Variants in COL18A1 observed in about 807,000 individuals in gnomAD.
The protein encoded by COL18A1 is collagen type XVIII alpha 1 chain.
Under a neutral mutation model 168.0 loss-of-function variants are expected in COL18A1, and 133 were observed. The ratio of observed to expected loss-of-function variants is 0.79; its 90% CI spans 0.69 to 0.91. The LOEUF is 0.91. COL18A1 is among the 40% of genes least tolerant of loss of function. The probability of loss-of-function intolerance (pLI) is 0.00; values close to 1 mark genes in which losing one functional copy is unlikely to be tolerated. For missense variants in COL18A1, 2,126 were observed against 1,925.4 expected (o/e 1.10, Z -1.95); for synonymous variants, 949 against 809.0 (o/e 1.17, Z -2.94).
rs368376035 is a variant in COL18A1 at position 45,476,356 on chromosome 21, G to A, written c.804G>A (p.Ala268=). Reference sequence around the variant, plus strand: ...CCTCCCCTCTCGTCCTCCAGGGCGCGGCCCTAAAACCCAGGCTCCCCGCGC... The same window carrying A: ...CCTCCCCTCTCGTCCTCCAGGGCGCAGCCCTAAAACCCAGGCTCCCCGCGC... ...ARELLREETG[A]ALKPRLPAPP... The change falls in exon 6 of 42, where the codon GCG becomes GCA. Residue 268 remains alanine, a synonymous_variant. Coordinates refer to ENST00000651438, the MANE Select transcript of COL18A1 (RefSeq NM_001379500.1). 8.6e-5 allele frequency: 138 copies of A among 1,613,888 alleles called. No homozygotes were observed. The African/African-American group carries it at 1.2e-3, about 14-fold the overall frequency.
intron 2 of COL18A1, chr21:45,456,412 C>T: frequency 1.3e-6 from 2 of 1,545,370 alleles, no homozygotes; most frequent in South Asian, 2.4e-5. Context: ...AGGTCGCAGT[C>T]ACCACTTTAA....
chr21:45,472,285 A>G (rs2035463143), intron 3 of COL18A1, among the ~76,000 whole-genome samples: 1 of 149,908 alleles, frequency 6.7e-6, no homozygotes, highest in East Asian at 2.0e-4. Context: ...GTGCAGTGGC[A>G]CGATTGCGGC....
intron 2 of COL18A1, among the ~76,000 whole-genome samples, chr21:45,462,236 G>A (rs1255430875): frequency 1.3e-5 from 2 of 152,288 alleles, no homozygotes; most frequent in East Asian, 1.9e-4. Flanking sequence ...GTAACTTGGT[G>A]TGAGTCTCTT....
rs935736074 is a variant in COL18A1, at chr21:45,427,633, C to T, written c.106+22160C>T. Among the ~76,000 whole-genome samples, 13 of 152,014 alleles carry T rather than the reference C, an allele frequency of 8.6e-5. 1 individual carries two copies. The South Asian group carries it at 2.1e-3, about 24-fold the overall frequency. ...AATTCTCCAGGTGGGGTGGGCAGGC[C>T]GGCGGGTGTTGAGGTCTCTGTGCAT... On this transcript the variant is annotated intron_variant, in intron 2 of 41. Coordinates refer to ENST00000651438, the MANE Select transcript of COL18A1 (RefSeq NM_001379500.1).
chr21:45,475,155 C>A (rs1286820364), intron 4 of COL18A1, among the ~76,000 whole-genome samples: 1 of 152,242 alleles, frequency 6.6e-6, no homozygotes, highest in African/African-American at 2.4e-5. Flanking sequence ...GCGGCCTCCT[C>A]CAGGGCAGGG....
intron 2 of COL18A1, among the ~76,000 whole-genome samples, chr21:45,415,025 C>G (rs1481747424): frequency 6.6e-6 from 1 of 152,100 alleles, no homozygotes; most frequent in Non-Finnish European, 1.5e-5. Flanking sequence ...TCCAGAGGAC[C>G]CCTGCGGGCA....
At chr21:45,455,529 C>T (rs756147946) in intron 2 of COL18A1, 9 of 1,612,672 alleles carry the variant, frequency 5.6e-6, no homozygotes, top group Non-Finnish European at 7.6e-6. Context: ...CGCACTGCCC[C>T]GATGGCTCCC....
chr21:45,505,914 C>T lies in COL18A1; in HGVS notation c.3164C>T (p.Ala1055Val). 5.6e-6 allele frequency: 9 copies of T among 1,613,080 alleles called. No individual in the cohort carries two copies. Among genetic ancestry groups the T allele is most frequent in the Non-Finnish European group, 6.8e-6 (8 of 1,179,970 alleles). The change falls in exon 37 of 42, where the codon GCC becomes GTC. Residue 1055 changes from alanine (A) to valine (V), a missense_variant. Coordinates refer to ENST00000651438, the MANE Select transcript of COL18A1 (RefSeq NM_001379500.1). The stretch of plus-strand genomic sequence containing the variant: ...CCCGAGGGCTGGCTCATCTTCGTGG[C>T]CGAGCAGGAGGAGCTCTACGTCCGC... ...EVPEGWLIFV[A>V]EQEELYVRVQ...
At chr21:45,489,551 GGC>G (rs1377676568) in intron 19 of COL18A1, 30 bp downstream of exon 19, 1 of 1,543,230 alleles carries the variant, frequency 6.5e-7, no homozygotes, top group Non-Finnish European at 8.8e-7. Flanking sequence ...TCAGGGACGT[GGC>G]CAGGCAGAGG....
intron 2 of COL18A1, among the ~76,000 whole-genome samples, chr21:45,464,184 C>A (rs1191413744): frequency 6.6e-6 from 1 of 152,134 alleles, no homozygotes; most frequent in Non-Finnish European, 1.5e-5. Context: ...TGCCCAGGCA[C>A]TGGGGCAGAG....
Position 45,475,517 on chromosome 21 carries a change from G to A in COL18A1, c.780G>A (p.Glu260=), listed in dbSNP as rs560442019. The part of the protein sequence containing the change: ...DSGSGLGDAR[E]LLREETGAAL... ...GCAGCGGGCTCGGGGACGCCCGGGA[G>A]CTTCTCAGGGAGGAGACGGTGAGTA... The change falls in exon 5 of 42, where the codon GAG becomes GAA. Residue 260 remains glutamate (E), a synonymous_variant. Coordinates refer to ENST00000651438, the MANE Select transcript of COL18A1 (RefSeq NM_001379500.1). 11 of 1,607,056 alleles carry A rather than the reference G, an allele frequency of 6.8e-6. No individual in the cohort carries two copies. In the Admixed American group the frequency reaches 1.5e-4, roughly 22 times the overall value.
chr21:45,480,729 A>AC lies in COL18A1; in HGVS notation c.1488dup (p.Gly497ArgfsTer64). On this transcript the variant is annotated frameshift_variant, in exon 13 of 42. Coordinates refer to ENST00000651438, the MANE Select transcript of COL18A1 (RefSeq NM_001379500.1). LOFTEE classifies it high-confidence loss of function. Reference sequence around the variant, plus strand: ...CTCGAGGCTTCCCTGGACCTCCCGGACCCCCCGGTGTCCCAGGCCTGCCCG... The same window carrying AC: ...CTCGAGGCTTCCCTGGACCTCCCGGACCCCCCCGGTGTCCCAGGCCTGCCCG... 5 of 1,609,214 alleles carry AC rather than the reference A, an allele frequency of 3.1e-6. No homozygotes were observed. The highest frequency in any genetic ancestry group is 4.2e-6 in the Non-Finnish European group (5 of 1,179,650).
chr21:45,411,827 G>T (rs2033306888), intron 2 of COL18A1, among the ~76,000 whole-genome samples: 1 of 151,788 alleles, frequency 6.6e-6, no homozygotes, highest in Non-Finnish European at 1.5e-5. Context: ...GCTTCTGATG[G>T]GCGACGTTCA....
rs748939420 is a variant in COL18A1 at position 45,498,558 on chromosome 21, G to C, written c.2683+897G>C. 4.3e-5 allele frequency: 31 copies of C among 716,804 alleles called. No homozygotes were observed. 44.4% of individuals were successfully genotyped at this position (716,804 alleles called of 1,614,324 possible). A position where few individuals can be genotyped will look rare whatever the true frequency, so the allele number is the denominator to read the frequency against. ...GCTCTTGCTGGGGCTGCACTCTGGG[G>C]TGGGAAGGGACCAGGCAGGCAGAGG... On this transcript the variant is annotated intron_variant, in intron 32 of 41. Coordinates refer to ENST00000651438, the MANE Select transcript of COL18A1 (RefSeq NM_001379500.1). This position sits in a 1 kb window ranked among gnomAD's most constrained non-coding sequence, Gnocchi z 4.5.
At chr21:45,483,631 G>A (rs1435224595) in intron 15 of COL18A1, among the ~76,000 whole-genome samples, 7 of 152,168 alleles carry the variant, frequency 4.6e-5, no homozygotes, top group East Asian at 3.9e-4. Context: ...CCAGGCTTCC[G>A]TGGGCCGCCC....
chr21:45,482,260 G>A, intron 14 of COL18A1: 1 of 631,316 alleles, frequency 1.6e-6, no homozygotes, highest in Non-Finnish European at 2.9e-6. Context: ...AAGAACATGG[G>A]CACCCTGCGA....
At chr21:45,467,646 C>G (rs951380230) in intron 2 of COL18A1, among the ~76,000 whole-genome samples, 1 of 152,182 alleles carries the variant, frequency 6.6e-6, no homozygotes, top group Non-Finnish European at 1.5e-5. Flanking sequence ...GCCGAGGCTT[C>G]GAAGAACACT....
intron 14 of COL18A1, among the ~76,000 whole-genome samples, chr21:45,482,561 G>A (rs989931186): frequency 1.3e-5 from 2 of 152,200 alleles, no homozygotes; most frequent in Non-Finnish European, 2.9e-5. Flanking sequence ...CCCACGTGTA[G>A]CCAGGTCCAG....
At chr21:45,504,373 T>TA (rs1389329286) in intron 33 of COL18A1, 43 bp from the exon 34 acceptor site, 1 of 1,592,802 alleles carries the variant, frequency 6.3e-7, no homozygotes, top group African/African-American at 1.3e-5. Flanking sequence ...CTGTGGCTTG[T>TA]AGGGGTTCAG....
Sources: allele counts gnomAD v4.1 joint callset (sites outside exome capture counted in the v4.1 genomes callset), GRCh38; gene constraint gnomAD v4.1.1; non-coding constraint Gnocchi (gnomAD v3.1); transcripts MANE v1.5; gene names NCBI Gene and HGNC (gene_info 2026-07-23, HGNC 2026-07-21).